The following F13A1 variants were observed in gnomAD, a reference collection of about 807,000 sequenced individuals.
F13A1 encodes FSF, A subunit.
In F13A1, 47 loss-of-function variants were observed where a neutral mutation model predicts 80.1. The ratio of observed to expected loss-of-function variants is 0.59; its 90% CI spans 0.46 to 0.75. F13A1 has a LOEUF of 0.75. Among genes scored for constraint, F13A1 ranks in the 30% least tolerant of loss-of-function variants. The pLI is 0.00. For missense variants in F13A1, 817 were observed against 930.4 expected, an observed-to-expected ratio of 0.88 and a Z score of 1.59; for synonymous variants, 349 against 344.9, an observed-to-expected ratio of 1.01 and a Z score of -0.13.
In F13A1 at chr6:6,145,494, G is replaced by T; in HGVS notation, c.*125C>A. ...AAATATGTGGGATCTCCACTCTGGA[G>T]CCCTCTGCAGTCCTGTCTGGGTCTT... is the stretch of plus-strand genomic sequence containing the variant. On this transcript the variant is annotated 3_prime_UTR_variant, in exon 15 of 15. Transcript: ENST00000264870. The T allele has an allele frequency of 8.3e-7, 1 of 1,197,838 alleles. No homozygotes were observed. Among genetic ancestry groups the T allele is most frequent in the Non-Finnish European group, 1.2e-6 (1 of 809,526 alleles). 74.2% of individuals were successfully genotyped at this position (1,197,838 alleles called of 1,614,324 possible).
rs528165662 is a variant in F13A1 at position 6,319,411 on chromosome 6, A to G, written c.-18-729T>C. 9.8e-5 allele frequency among the ~76,000 whole-genome samples: 15 copies of G among 152,300 alleles called. No homozygotes were observed. The South Asian group carries it at 3.1e-3, about 32-fold the overall frequency. On this transcript the variant is annotated intron_variant, in intron 1 of 14. Coordinates refer to ENST00000264870, the MANE Select transcript of F13A1 (RefSeq NM_000129.4). ...TGGGCATGCAATTTTCAATAGGGCT[A>G]TCAATAGGCTTAAGAAGTCAGGGTT... is the stretch of plus-strand genomic sequence containing the variant.
chr6:6,279,694 TG>T (rs1209052658), intron 3 of F13A1, among the ~76,000 whole-genome samples: 1 of 152,232 alleles, frequency 6.6e-6, no homozygotes, highest in Non-Finnish European at 1.5e-5. Context: ...GGCAAGTCTA[TG>T]GAGCCAAAGC....
At chr6:6,174,452 G>A (rs1760839276) in intron 12 of F13A1, 128 bp downstream of exon 12, 4 of 1,029,730 alleles carry the variant, frequency 3.9e-6, no homozygotes, top group Non-Finnish European at 6.1e-6. Flanking sequence ...TTCTCCCTGT[G>A]AGGCTCACAC....
chr6:6,296,607 A>T (rs931501450), intron 3 of F13A1, among the ~76,000 whole-genome samples: 2 of 150,042 alleles, frequency 1.3e-5, no homozygotes, highest in African/African-American at 5.0e-5. Context: ...GTATCCTGAG[A>T]CTTTGCTGAA....
Position 6,162,323 on chromosome 6 carries a change from C to G in F13A1, c.1908+5135G>C, listed in dbSNP as rs1760590013. 6.6e-6 allele frequency among the ~76,000 whole-genome samples: 1 copy of G among 152,202 alleles called. No individual in the cohort carries two copies. The highest frequency in any genetic ancestry group is 2.4e-5 in the African/African-American group (1 of 41,440). ...ATACTGCCGTCCACCTCCCCTCTAG[C>G]CCTTGCTAACATTTTCTTCCTAGTA... On this transcript the variant is annotated intron_variant, in intron 13 of 14. Coordinates refer to ENST00000264870, the MANE Select transcript of F13A1 (RefSeq NM_000129.4). The surrounding 1 kb of genome is among the most constrained non-coding windows in gnomAD (Gnocchi z 4.2).
At chr6:6,320,185 G>A (rs746859292) in intron 1 of F13A1, among the ~76,000 whole-genome samples, 21 of 152,308 alleles carry the variant, frequency 1.4e-4, no homozygotes, top group Middle Eastern at 6.8e-3. Context: ...AGGCGCGCAG[G>A]AGTGGGGAGC....
intron 8 of F13A1, among the ~76,000 whole-genome samples, chr6:6,218,459 CTCA>C (rs1757135797): frequency 1.3e-5 from 2 of 152,230 alleles, no homozygotes; most frequent in Admixed American, 1.3e-4. Context: ...TAATTCAGAA[CTCA>C]TCAGCACGCT....
At chr6:6,317,294 G>A (rs1240376343) in intron 2 of F13A1, among the ~76,000 whole-genome samples, 2 of 152,136 alleles carry the variant, frequency 1.3e-5, no homozygotes, top group African/African-American at 2.4e-5. Context: ...AGGATTCATT[G>A]ATTAGCAAGT....
intron 13 of F13A1, among the ~76,000 whole-genome samples, chr6:6,154,970 G>C (rs1010767334): frequency 2.0e-5 from 3 of 152,166 alleles, no homozygotes; most frequent in African/African-American, 7.2e-5. Flanking sequence ...ATAAGGATGG[G>C]CATAAGCCCC....
chr6:6,177,813 G>A (rs1230778457), intron 11 of F13A1, among the ~76,000 whole-genome samples: 3 of 152,198 alleles, frequency 2.0e-5, no homozygotes, highest in Non-Finnish European at 4.4e-5. Flanking sequence ...GGCCTGCAGT[G>A]CATGGGGAAA....
At chr6:6,167,740 G>T (rs1284196526) in intron 12 of F13A1, 122 bp from the exon 13 acceptor site, 2 of 1,072,848 alleles carry the variant, frequency 1.9e-6, no homozygotes, top group African/African-American at 3.1e-5. Flanking sequence ...CACAGCAAAG[G>T]TAAGGGGCAA....
At chr6:6,186,766 C>A (rs1047484199) in intron 10 of F13A1, among the ~76,000 whole-genome samples, 1 of 151,864 alleles carries the variant, frequency 6.6e-6, no homozygotes, top group African/African-American at 2.4e-5. Flanking sequence ...TGAAGAAAGT[C>A]ACTGGTAGCT....
chr6:6,272,148 C>T (rs927518057), intron 3 of F13A1, among the ~76,000 whole-genome samples: 1 of 152,156 alleles, frequency 6.6e-6, no homozygotes, highest in African/African-American at 2.4e-5. Context: ...CACGCAAAGC[C>T]CTGCATTGGT....
intron 3 of F13A1, among the ~76,000 whole-genome samples, chr6:6,277,951 T>C (rs986197186): frequency 3.9e-5 from 6 of 152,248 alleles, no homozygotes; most frequent in African/African-American, 1.2e-4. Context: ...TCCCTTGAAG[T>C]GCCCACCTTT....
chr6:6,176,090 T>A (rs1760879361), intron 11 of F13A1, among the ~76,000 whole-genome samples: 1 of 152,176 alleles, frequency 6.6e-6, no homozygotes, highest in Non-Finnish European at 1.5e-5. Flanking sequence ...TCTTTGTGTA[T>A]CCCTAAGGAT....
intron 14 of F13A1, among the ~76,000 whole-genome samples, chr6:6,151,175 T>C (rs1731136195): frequency 6.6e-6 from 1 of 152,160 alleles, no homozygotes; most frequent in Non-Finnish European, 1.5e-5. Flanking sequence ...TGAAGTGGCC[T>C]GTGTGTGGAA....
intron 2 of F13A1, among the ~76,000 whole-genome samples, chr6:6,307,218 G>C (rs968233156): frequency 6.6e-6 from 1 of 152,056 alleles, no homozygotes; most frequent in Non-Finnish European, 1.5e-5. Flanking sequence ...CATTTCACAG[G>C]GCGTGGTGCT....
intron 2 of F13A1, among the ~76,000 whole-genome samples, chr6:6,309,524 A>G (rs930484976): frequency 1.7e-4 from 26 of 152,162 alleles, no homozygotes; most frequent in African/African-American, 6.3e-4. Flanking sequence ...TAAGAAATTG[A>G]AAGATGATGG....
intron 3 of F13A1, among the ~76,000 whole-genome samples, chr6:6,302,370 C>T (rs1422158935): frequency 6.6e-6 from 1 of 152,192 alleles, no homozygotes; most frequent in Non-Finnish European, 1.5e-5. Flanking sequence ...GCCCACTACA[C>T]ACCTAGGCTA....
Sources: allele counts gnomAD v4.1 joint callset (sites outside exome capture counted in the v4.1 genomes callset), GRCh38; gene constraint gnomAD v4.1.1; non-coding constraint Gnocchi (gnomAD v3.1); transcripts MANE v1.5; gene names NCBI Gene and HGNC (gene_info 2026-07-23, HGNC 2026-07-21).